The following MINDY4 variants were observed in gnomAD, a reference collection of about 807,000 sequenced individuals.
MINDY4 encodes probable ubiquitin carboxyl-terminal hydrolase MINDY-4.
Under a neutral mutation model 87.0 loss-of-function variants are expected in MINDY4, and 68 were observed. The observed-to-expected ratio is 0.78, with a 90% confidence interval of 0.64 to 0.96. The LOEUF (loss-of-function observed/expected upper bound fraction) is 0.96. MINDY4 is among the 40% of genes least tolerant of loss of function. The pLI is 0.00. For missense variants in MINDY4, 919 were observed against 928.2 expected, an observed-to-expected ratio of 0.99 and a Z score of 0.13; for synonymous variants, 379 against 363.2, an observed-to-expected ratio of 1.04 and a Z score of -0.50.
At chr7:30,870,778 A>C (rs1485060514) in intron 13 of MINDY4, among the ~76,000 whole-genome samples, 1 of 152,246 alleles carries the variant, frequency 6.6e-6, no homozygotes, top group African/African-American at 2.4e-5. Flanking sequence ...AAAGGAAAAA[A>C]TAAATGCTCT....
At chr7:30,875,331 A>G (rs886491855) in intron 14 of MINDY4, among the ~76,000 whole-genome samples, 164 bp from the exon 15 acceptor site, 4 of 152,228 alleles carry the variant, frequency 2.6e-5, no homozygotes, top group African/African-American at 9.6e-5. Flanking sequence ...CCTTTCCCAC[A>G]GGACTTGTGG....
chr7:30,876,483 A>G (rs1179380057), intron 15 of MINDY4, among the ~76,000 whole-genome samples: 1 of 152,158 alleles, frequency 6.6e-6, no homozygotes, highest in Non-Finnish European at 1.5e-5. Context: ...GTTTGTTGGC[A>G]TGTGGTCCCT....
intron 5 of MINDY4, among the ~76,000 whole-genome samples, chr7:30,805,497 C>G (rs1343339911): frequency 6.6e-6 from 1 of 152,152 alleles, no homozygotes; most frequent in Non-Finnish European, 1.5e-5. Context: ...CAGTATCTTG[C>G]AGTGGAGACC....
At chr7:30,778,608 A>G in intron 2 of MINDY4, 57 bp downstream of exon 2, 1 of 1,603,564 alleles carries the variant, frequency 6.2e-7, no homozygotes, top group African/African-American at 1.3e-5. Flanking sequence ...GCACTGCCAA[A>G]GCACTCATGG....
intron 2 of MINDY4, 84 bp downstream of exon 2, chr7:30,778,635 G>A (rs1422144510): frequency 2.0e-6 from 3 of 1,525,530 alleles, no homozygotes; most frequent in Non-Finnish European, 2.7e-6. Context: ...CCAGTGACAG[G>A]AGAGGCTTGA....
At chr7:30,891,629 C>G (rs1319406519) in intron 17 of MINDY4, among the ~76,000 whole-genome samples, 2 of 152,156 alleles carry the variant, frequency 1.3e-5, no homozygotes, top group Non-Finnish European at 2.9e-5. Context: ...AGCGGCTGGT[C>G]CAGATGTGTG....
chr7:30,863,987 C>T (rs56724571), intron 13 of MINDY4, among the ~76,000 whole-genome samples: 22,674 of 152,196 alleles, frequency 0.15, 2,142 homozygotes, highest in African/African-American at 0.26. Context: ...CAGACCTGGG[C>T]AGCACTGAGC....
chr7:30,788,296 T>A (rs560185514), intron 4 of MINDY4, among the ~76,000 whole-genome samples: 1 of 152,378 alleles, frequency 6.6e-6, no homozygotes, highest in Admixed American at 6.5e-5. Context: ...TGTGAAATCT[T>A]AAACCATATC....
intron 5 of MINDY4, among the ~76,000 whole-genome samples, chr7:30,805,134 A>C (rs1990010): frequency 0.53 from 81,260 of 152,128 alleles, 23,623 homozygotes; most frequent in African/African-American, 0.78. Flanking sequence ...CAGGTCTGAG[A>C]AAGGTGACTG....
chr7:30,867,452 C>A (rs2128576938), intron 13 of MINDY4, among the ~76,000 whole-genome samples: 2 of 152,262 alleles, frequency 1.3e-5, no homozygotes, highest in African/African-American at 4.8e-5. Context: ...TAGTTCATCT[C>A]ATTCAGTTCT....
chr7:30,781,333 T>G (rs1372887185), intron 2 of MINDY4: 1 of 152,302 alleles, frequency 6.6e-6, no homozygotes, highest in Admixed American at 6.5e-5. Flanking sequence ...TCTGTATTTT[T>G]AAAAAACATC....
intron 12 of MINDY4, chr7:30,858,003 A>G (rs976296464): frequency 3.9e-5 from 6 of 152,286 alleles, no homozygotes; most frequent in African/African-American, 1.4e-4. Context: ...AAGTTTTATA[A>G]TTTTCATTGT....
intron 5 of MINDY4, among the ~76,000 whole-genome samples, chr7:30,792,551 A>G (rs1220153803): frequency 6.6e-6 from 1 of 152,326 alleles, no homozygotes; most frequent in African/African-American, 2.4e-5. Context: ...TTTTAATTCA[A>G]ATTTCAACTT....
chr7:30,839,079 T>C, intron 7 of MINDY4, 121 bp from the exon 8 acceptor site: 1 of 614,222 alleles, frequency 1.6e-6, no homozygotes, highest in Admixed American at 2.8e-5. Flanking sequence ...AGATGAACCA[T>C]GCTAGAAAAT....
chr7:30,884,649 C>A (rs766299592), intron 17 of MINDY4, among the ~76,000 whole-genome samples: 40 of 152,174 alleles, frequency 2.6e-4, no homozygotes, highest in Non-Finnish European at 4.7e-4. Flanking sequence ...GTCTCTCTAC[C>A]CCTCCCAGGG....
chr7:30,853,167 C>T (rs972599546), intron 11 of MINDY4, among the ~76,000 whole-genome samples: 6 of 152,204 alleles, frequency 3.9e-5, no homozygotes, highest in Admixed American at 2.6e-4. Flanking sequence ...CCAGAGCTGC[C>T]GTAGGGCCAC....
At chr7:30,853,252 G>C in intron 11 of MINDY4, 142 bp from the exon 12 acceptor site, 4 of 694,990 alleles carry the variant, frequency 5.8e-6, no homozygotes, top group Non-Finnish European at 1.0e-5. Context: ...TCTCAGCCCT[G>C]ACTTGGAGAT....
intron 13 of MINDY4, among the ~76,000 whole-genome samples, chr7:30,863,557 G>A (rs1789833769): frequency 6.6e-6 from 1 of 152,164 alleles, no homozygotes; most frequent in Non-Finnish European, 1.5e-5. Context: ...CTGGGCACTG[G>A]AGGCTTCTCT....
intron 14 of MINDY4, among the ~76,000 whole-genome samples, chr7:30,874,173 A>G (rs896148303): frequency 6.6e-6 from 1 of 152,244 alleles, no homozygotes. Context: ...AGGCAGCGCC[A>G]GCTGTGGCAG....
Sources: gnomAD v4.1 joint callset for allele counts (sites outside exome capture counted in the v4.1 genomes callset) on GRCh38, gnomAD v4.1.1 for gene constraint, MANE v1.5 for transcripts, NCBI Gene and HGNC (gene_info 2026-07-23, HGNC 2026-07-21) for gene names.